Variants in CCNP observed in about 807,000 individuals in gnomAD.
The protein encoded by CCNP is cyclin P.
A neutral mutation model predicts 19.6 loss-of-function variants in CCNP; 18 were observed. The ratio of observed to expected loss-of-function variants is 0.92; its 90% CI spans 0.64 to 1.36. CCNP has a LOEUF of 1.36. Among genes scored for constraint, CCNP ranks in the 40% most tolerant of loss-of-function variants. The probability of loss-of-function intolerance (pLI) is 0.00; values close to 1 mark genes in which losing one functional copy is unlikely to be tolerated. For synonymous variants in CCNP, 228 were observed against 194.9 expected, an observed-to-expected ratio of 1.17 and a Z score of -1.41; for missense variants, 440 against 424.4, an observed-to-expected ratio of 1.04 and a Z score of -0.32.
chr19:40,223,321 C>A lies in CCNP; in HGVS notation c.673-18G>T. ...AACATCACCTGCAAGTGAGGCGGGG[C>A]GACTGTCAGGCCACGCCCCACTTCG... On this transcript the variant is annotated intron_variant, in intron 4 of 4. Transcript: ENST00000430325. 2 of 1,504,736 alleles carry A rather than the reference C, an allele frequency of 1.3e-6. No individual in the cohort carries two copies. The highest frequency in any genetic ancestry group is 1.3e-5 in the South Asian group (1 of 77,960). The allele number at this position is 1,504,736 out of a possible 1,614,324, so 93.2% of individuals were successfully genotyped here. A position where few individuals can be genotyped will look rare whatever the true frequency, so the allele number is the denominator to read the frequency against.
chr19:40,224,041 G>A (rs1465836466), intron 3 of CCNP, among the ~76,000 whole-genome samples: 3 of 151,786 alleles, frequency 2.0e-5, no homozygotes, highest in Middle Eastern at 3.2e-3. Flanking sequence ...AGCAACCTCC[G>A]CCTCCTGGGT....
intron 4 of CCNP, 39 bp downstream of exon 4, chr19:40,223,349 C>A: frequency 6.7e-7 from 1 of 1,488,118 alleles, no homozygotes; most frequent in Non-Finnish European, 9.0e-7. Flanking sequence ...CCACTTCGCG[C>A]CGGCCACGCC....
In CCNP at chr19:40,224,757, G is replaced by A. The variant is rs1443700611; in HGVS notation, c.322C>T (p.Arg108Cys). ...ALPRAVTPEM[R>C]ALVVDWLVQV... The stretch of plus-strand genomic sequence containing the variant: ...ACCAGCCAGTCTACCACCAGGGCGC[G>A]CATCTCCGGGGTCACAGCGCGGGGC... The change falls in exon 2 of 5, where the codon CGC becomes TGC. Residue 108 changes from arginine (R) to cysteine (C), a missense_variant. Arg to Cys is a radical substitution (Grantham distance 180). Transcript: ENST00000430325. 4 of 1,565,116 alleles carry A rather than the reference G, an allele frequency of 2.6e-6. No individual in the cohort carries two copies. The highest frequency in any genetic ancestry group is 1.2e-5 in the South Asian group (1 of 86,264).
Position 40,226,406 on chromosome 19 carries a change from T to C in CCNP, c.236A>G (p.Glu79Gly). ...LSALGLQGER[E>G]YAGDIFAEVM... ...TTCGGCGAAGATGTCCCCGGCGTAC[T>C]CGCGTTCTCCCTGCAGCCCCAGCGC... The change falls in exon 1 of 5, where the codon GAG becomes GGG. Residue 79 changes from glutamate to glycine, a missense_variant. Coordinates refer to ENST00000430325, the MANE Select transcript of CCNP (RefSeq NM_024877.4). The C allele has an allele frequency of 6.2e-7, 1 of 1,607,770 alleles. No homozygotes were observed. The highest frequency in any genetic ancestry group is 8.5e-7 in the Non-Finnish European group (1 of 1,179,732).
chr19:40,223,216 C>T lies in CCNP; in HGVS notation c.760G>A (p.Ala254Thr), dbSNP rs1208476472. The change falls in exon 5 of 5, where the codon GCT (alanine) becomes ACT (threonine). Residue 254 changes from alanine (A) to threonine (T), a missense_variant. Ala to Thr is a moderately conservative substitution (Grantham distance 58). Coordinates refer to ENST00000430325, the MANE Select transcript of CCNP (RefSeq NM_024877.4). ...AGCAAGCGGTGCGCCAGGCTCAGAGCCGCAGCCGCACGACGACCCGGCTCC... is the reference window on the plus strand; with the variant it reads ...AGCAAGCGGTGCGCCAGGCTCAGAGTCGCAGCCGCACGACGACCCGGCTCC... ...GWEPGRRAAA[A>T]LSLAHRLLDG... is the part of the protein sequence containing the mutation. 1.3e-6 allele frequency: 2 copies of T among 1,549,320 alleles called. No individual in the cohort carries two copies. Among genetic ancestry groups the T allele is most frequent in the Non-Finnish European group, 1.7e-6 (2 of 1,146,072 alleles).
rs560596012 is a variant in CCNP at position 40,223,112 on chromosome 19, G to T, written c.864C>A (p.Ser288Arg). The change falls in exon 5 of 5, where the codon AGC (serine) becomes AGA (arginine). Residue 288 changes from serine to arginine, a missense_variant. Transcript: ENST00000430325. ...ATGACCAGGAAGGTAAGTCCCTGAA[G>T]CTGCGGTGACCCCATACACTTCCTC... ...LGGGSVWGHR[S>R]FRDLPSWSFL... 5.3e-5 allele frequency: 83 copies of T among 1,551,422 alleles called. 1 individual carries two copies. In the South Asian group the frequency reaches 8.8e-4, roughly 16 times the overall value.
At chr19:40,223,673 G>A (rs1440094167) in intron 3 of CCNP, 127 bp from the exon 4 acceptor site, 2 of 1,370,666 alleles carry the variant, frequency 1.5e-6, no homozygotes, top group Non-Finnish European at 1.0e-6. Flanking sequence ...ATTGACTTGT[G>A]TCTGGAAGTC....
chr19:40,224,363 A>G lies in CCNP; in HGVS notation c.513+125T>C, dbSNP rs570699678. ...CCTCTTCTGTTTAAGGGACACATTG[A>G]CAGCCCCTCCCTCATACATGTTGGG... On this transcript the variant is annotated intron_variant, in intron 3 of 4. Transcript: ENST00000430325. The G allele has an allele frequency of 2.8e-6, 3 of 1,061,558 alleles. No individual in the cohort carries two copies. The South Asian group carries it at 4.4e-5, about 16-fold the overall frequency. The allele number at this position is 1,061,558 out of a possible 1,614,324, so 65.8% of individuals were successfully genotyped here. A position where few individuals can be genotyped will look rare whatever the true frequency, so the allele number is the denominator to read the frequency against.
In CCNP at chr19:40,223,455, C is replaced by A; in HGVS notation, c.605G>T (p.Arg202Leu). 6.2e-7 allele frequency: 1 copy of A among 1,610,068 alleles called. No individual in the cohort carries two copies. The highest frequency in any genetic ancestry group is 8.5e-7 in the Non-Finnish European group (1 of 1,178,224). The stretch of plus-strand genomic sequence containing the variant: ...CAGCAGCGGGCCGGGGTGGTGCAGC[C>A]GGAAATCCAGGCGGCTCAGGATGCG... ...ERRILSRLDF[R>L]LHHPGPLLCL... Residue 202 changes from arginine to leucine, a missense_variant, in exon 4 of 5, where the codon CGG (arginine) becomes CTG (leucine). Arg to Leu is a moderately radical substitution (Grantham distance 102). Coordinates refer to ENST00000430325, the MANE Select transcript of CCNP (RefSeq NM_024877.4).
Position 40,224,473 on chromosome 19 carries a change from C to G in CCNP, c.513+15G>C, listed in dbSNP as rs774957160. 3.7e-6 allele frequency: 6 copies of G among 1,613,214 alleles called. No homozygotes were observed. In the South Asian group the frequency reaches 6.6e-5, roughly 18 times the overall value. ...AGGACTCCATCCACCCTCCCAAACC[C>G]CACCCCGGAAGTACCTCGGGAAGCA... On this transcript the variant is annotated intron_variant, in intron 3 of 4. Coordinates refer to ENST00000430325, the MANE Select transcript of CCNP (RefSeq NM_024877.4).
chr19:40,226,332 G>C, intron 1 of CCNP, 43 bp downstream of exon 1: 2 of 1,565,316 alleles, frequency 1.3e-6, no homozygotes, highest in African/African-American at 1.3e-5. Flanking sequence ...CCGGGCGGTG[G>C]GCCGGCGTCG....
chr19:40,223,760 G>A, intron 3 of CCNP: 1 of 641,740 alleles, frequency 1.6e-6, no homozygotes, highest in South Asian at 2.0e-5. Context: ...CTCACTGTGT[G>A]ACATAGGACA....
At chr19:40,224,853 C>G in intron 1 of CCNP, 42 bp from the exon 2 acceptor site, 1 of 1,495,540 alleles carries the variant, frequency 6.7e-7, no homozygotes, top group Non-Finnish European at 9.0e-7. Context: ...ACACCTGTGC[C>G]TCTGCCTTTC....
rs1041845527 is a variant in CCNP, at chr19:40,222,404, C to T, written c.*648G>A. ...CGCATACTTGAGGAAGACTGCGGCG[C>T]GACCCGGCGCGGGACCTCGGAGCGC... is the stretch of plus-strand genomic sequence containing the variant. On this transcript the variant is annotated 3_prime_UTR_variant, in exon 5 of 5. Transcript: ENST00000430325. 1.3e-5 allele frequency: 5 copies of T among 398,492 alleles called. No individual in the cohort carries two copies. Among genetic ancestry groups the T allele is most frequent in the Non-Finnish European group, 2.2e-5 (5 of 225,826 alleles). The allele number at this position is 398,492 out of a possible 1,614,324, so 24.7% of individuals were successfully genotyped here. A position where few individuals can be genotyped will look rare whatever the true frequency, so the allele number is the denominator to read the frequency against.
intron 3 of CCNP, among the ~76,000 whole-genome samples, chr19:40,223,893 T>A (rs1386248582): frequency 1.3e-5 from 2 of 151,946 alleles, no homozygotes; most frequent in African/African-American, 4.8e-5. Context: ...CTATTCAAGA[T>A]GGACTAGTTT....
At chr19:40,225,568 C>T (rs1424227987) in intron 1 of CCNP, among the ~76,000 whole-genome samples, 2 of 152,230 alleles carry the variant, frequency 1.3e-5, no homozygotes, top group Admixed American at 6.5e-5. Flanking sequence ...GCGTCAGCCA[C>T]AGCTGCCTTC....
chr19:40,222,738 G>A lies in CCNP; in HGVS notation c.*314C>T, dbSNP rs1035897840. The A allele has an allele frequency of 1.7e-5, 7 of 405,554 alleles. No individual in the cohort carries two copies. The highest frequency in any genetic ancestry group is 1.4e-4 in the African/African-American group (7 of 48,614). 25.1% of individuals were successfully genotyped at this position (405,554 alleles called of 1,614,324 possible). On this transcript the variant is annotated 3_prime_UTR_variant, in exon 5 of 5. Coordinates refer to ENST00000430325, the MANE Select transcript of CCNP (RefSeq NM_024877.4). ...GGAAGCAAGGAGGGGAGCTGAGGAT[G>A]GGCAGCCATCCTCTCTATGCTGGGT...
intron 1 of CCNP, 143 bp from the exon 2 acceptor site, chr19:40,224,954 C>G: frequency 4.4e-6 from 3 of 682,896 alleles, no homozygotes; most frequent in African/African-American, 1.8e-5. Context: ...AAATGAGCTC[C>G]TCTTACGTGT....
At chr19:40,224,407 G>A in intron 3 of CCNP, 81 bp downstream of exon 3, 1 of 1,500,606 alleles carries the variant, frequency 6.7e-7, no homozygotes. Context: ...ACTCAGCACG[G>A]TGCTTGGCAC....
Sources: allele counts gnomAD v4.1 joint callset (sites outside exome capture counted in the v4.1 genomes callset), GRCh38; gene constraint gnomAD v4.1.1; transcripts MANE v1.5; gene names NCBI Gene and HGNC (gene_info 2026-07-23, HGNC 2026-07-21).